Variants in WWOX observed in about 807,000 individuals in gnomAD.
WWOX encodes WW domain-containing oxidoreductase.
A neutral mutation model predicts 46.2 loss-of-function variants in WWOX; 69 were observed. The ratio of observed to expected loss-of-function variants is 1.49; its 90% CI spans 1.23 to 1.82. The LOEUF (loss-of-function observed/expected upper bound fraction) is 1.82. Among genes scored for constraint, WWOX ranks in the 40% most tolerant of loss-of-function variants. The probability of loss-of-function intolerance (pLI) is 0.00; values close to 1 mark genes in which losing one functional copy is unlikely to be tolerated. For synonymous variants in WWOX, 359 were observed against 202.6 expected (o/e 1.77, Z -6.56); for missense variants, 919 against 542.6 (o/e 1.69, Z -6.89).
At chr16:78,897,274 A>G (rs1186245240) in intron 8 of WWOX, 1 of 150,662 alleles carries the variant, frequency 6.6e-6, no homozygotes, top group Non-Finnish European at 1.5e-5. Context: ...AAACCAAAAA[A>G]ACAAAAACAA....
At chr16:78,434,656 G>A (rs1272285481) in intron 8 of WWOX, among the ~76,000 whole-genome samples, 2 of 152,166 alleles carry the variant, frequency 1.3e-5, no homozygotes, top group African/African-American at 2.4e-5. Context: ...GTTTTAAGGA[G>A]CTCGGTTCAG....
At position 78,974,296 on chromosome 16, in the gene WWOX, TA is replaced by T. The variant is rs150485415; in HGVS notation, c.1057-237310del. On this transcript the variant is annotated intron_variant, in intron 8 of 8. Coordinates refer to ENST00000566780, the MANE Select transcript of WWOX (RefSeq NM_016373.4). ...GCACAAAGCAAAGCAGTTAAATGAA[TA>T]ACCGCCTTCCAGTACAGATAATAAA... Among the ~76,000 whole-genome samples the T allele has an allele frequency of 6.2e-3, 937 of 152,348 alleles. 40 individuals carry two copies. The highest frequency in any genetic ancestry group is 0.049 in the Admixed American group (755 of 15,304).
intron 8 of WWOX, among the ~76,000 whole-genome samples, chr16:79,171,464 G>A (rs1398186243): frequency 2.6e-5 from 4 of 151,956 alleles, no homozygotes; most frequent in Admixed American, 1.3e-4. Context: ...GTTTTTTGTC[G>A]GTGTCATCTT....
intron 8 of WWOX, chr16:79,101,764 T>G (rs2049200563): frequency 6.8e-6 from 1 of 147,748 alleles, no homozygotes; most frequent in Non-Finnish European, 1.5e-5. Flanking sequence ...AAAAAAGGAC[T>G]AATACTTCCT....
chr16:78,347,892 G>A (rs1449787255), intron 5 of WWOX, among the ~76,000 whole-genome samples: 2 of 121,992 alleles, frequency 1.6e-5, no homozygotes, highest in Non-Finnish European at 3.9e-5. Context: ...TATCTTAAAA[G>A]TGGATTCCTC....
chr16:78,836,026 A>C lies in WWOX; in HGVS notation c.1057-375582A>C, dbSNP rs550488557. Among the ~76,000 whole-genome samples the C allele has an allele frequency of 2.6e-5, 4 of 152,316 alleles. No individual in the cohort carries two copies. In the East Asian group the frequency reaches 7.7e-4, roughly 29 times the overall value. ...TTCCCTTCAATGTATTTCAACTCCA[A>C]AATACATAGTGACATGAAAATTGTG... On this transcript the variant is annotated intron_variant, in intron 8 of 8. Coordinates refer to ENST00000566780, the MANE Select transcript of WWOX (RefSeq NM_016373.4).
At chr16:78,436,250 A>C (rs1012569363) in intron 8 of WWOX, among the ~76,000 whole-genome samples, 3 of 152,146 alleles carry the variant, frequency 2.0e-5, no homozygotes, top group African/African-American at 7.2e-5. Flanking sequence ...TGGAAAGGGA[A>C]GAGAAGGGCT....
intron 8 of WWOX, among the ~76,000 whole-genome samples, chr16:78,466,897 G>A (rs1449271836): frequency 6.6e-6 from 1 of 152,032 alleles, no homozygotes; most frequent in Non-Finnish European, 1.5e-5. Flanking sequence ...TCACACAGTT[G>A]CAACGTTGTA....
Position 78,164,303 on chromosome 16 carries a change from T to C in WWOX, c.516+14T>C, listed in dbSNP as rs779863445. On this transcript the variant is annotated intron_variant, in intron 5 of 8. Transcript: ENST00000566780. ...TTAGAAGAATGGGTAAGTGCTTGAC[T>C]GTTGTTGTTTTTTTTAATTGTCAAA... 6.2e-7 allele frequency: 1 copy of C among 1,611,144 alleles called. No homozygotes were observed. Among genetic ancestry groups the C allele is most frequent in the African/African-American group, 1.3e-5 (1 of 75,000 alleles).
intron 4 of WWOX, among the ~76,000 whole-genome samples, chr16:78,145,744 G>A (rs1277749139): frequency 3.3e-5 from 5 of 152,068 alleles, no homozygotes; most frequent in East Asian, 1.9e-4. Context: ...TCTCCTCACC[G>A]TGTGCTGTGT....
intron 5 of WWOX, among the ~76,000 whole-genome samples, chr16:78,351,373 T>G (rs114451287): frequency 2.5e-3 from 385 of 152,264 alleles, no homozygotes; most frequent in African/African-American, 8.1e-3. Context: ...TTGTGTCAGG[T>G]AGAAAACTGG....
At chr16:79,032,508 C>T (rs1052840284) in intron 8 of WWOX, among the ~76,000 whole-genome samples, 3 of 147,518 alleles carry the variant, frequency 2.0e-5, no homozygotes, top group Admixed American at 6.8e-5. Context: ...TACACATATA[C>T]AGCTAATATA....
At chr16:78,309,270 T>C (rs55664465) in intron 5 of WWOX, among the ~76,000 whole-genome samples, 7,751 of 152,288 alleles carry the variant, frequency 0.051, 511 homozygotes, top group African/African-American at 0.16. Flanking sequence ...TGGTAGTTTC[T>C]CTGCGTTCAT....
At chr16:78,156,573 C>T (rs370961444) in intron 4 of WWOX, among the ~76,000 whole-genome samples, 255 of 152,222 alleles carry the variant, frequency 1.7e-3, no homozygotes, top group African/African-American at 5.8e-3. Context: ...GCTAGTCTGG[C>T]GAAATACGGA....
chr16:78,720,965 A>T (rs953848970), intron 8 of WWOX, among the ~76,000 whole-genome samples: 3 of 152,156 alleles, frequency 2.0e-5, no homozygotes, highest in African/African-American at 7.2e-5. Context: ...AGCCAAGTGG[A>T]CGCTAATCAC....
intron 8 of WWOX, among the ~76,000 whole-genome samples, chr16:78,716,743 G>A (rs1223583656): frequency 3.9e-5 from 6 of 152,042 alleles, no homozygotes; most frequent in East Asian, 1.9e-4. Flanking sequence ...AAAAAAAAGC[G>A]TCTCTATTCG....
chr16:78,329,661 C>T (rs1352618892), intron 5 of WWOX, among the ~76,000 whole-genome samples: 5 of 152,034 alleles, frequency 3.3e-5, no homozygotes, highest in East Asian at 3.9e-4. Context: ...TGTGGGGAAG[C>T]GTGCTCTGTT....
chr16:78,650,509 C>T (rs1328273855), intron 8 of WWOX, among the ~76,000 whole-genome samples: 1 of 152,146 alleles, frequency 6.6e-6, no homozygotes, highest in Non-Finnish European at 1.5e-5. Flanking sequence ...TGTGACTCAA[C>T]CCAAATCTAA....
At chr16:78,558,723 C>A (rs1422169687) in intron 8 of WWOX, among the ~76,000 whole-genome samples, 1 of 152,204 alleles carries the variant, frequency 6.6e-6, no homozygotes, top group African/African-American at 2.4e-5. Flanking sequence ...TCACTTCTCC[C>A]CAGTCTTGGC....
Sources: allele counts gnomAD v4.1 joint callset (sites outside exome capture counted in the v4.1 genomes callset), GRCh38; gene constraint gnomAD v4.1.1; transcripts MANE v1.5; gene names NCBI Gene and HGNC (gene_info 2026-07-23, HGNC 2026-07-21).